The following PLXNA4 variants were observed in gnomAD, a reference collection of about 807,000 sequenced individuals.
PLXNA4 encodes the protein plexin-A4.
In PLXNA4, 44 loss-of-function variants were observed where a neutral mutation model predicts 191.8. The ratio of observed to expected loss-of-function variants is 0.23; its 90% CI spans 0.18 to 0.29. The LOEUF is 0.29. Ranked by LOEUF, PLXNA4 falls within the 10% of genes least tolerant of loss-of-function variation. The pLI is 1.00. For synonymous variants in PLXNA4, 1,082 were observed against 1,009.5 expected, an observed-to-expected ratio of 1.07 and a Z score of -1.36; for missense variants, 1,800 against 2,488.8, an observed-to-expected ratio of 0.72 and a Z score of 5.89.
intron 21 of PLXNA4, 151 bp from the exon 22 acceptor site, chr7:132,168,723 A>G: frequency 8.7e-7 from 1 of 1,151,780 alleles, no homozygotes. Context: ...CTTAGCACTG[A>G]GTTAAGTATC....
chr7:132,281,647 C>A (rs1800481933), intron 4 of PLXNA4, among the ~76,000 whole-genome samples: 1 of 152,134 alleles, frequency 6.6e-6, no homozygotes, highest in South Asian at 2.1e-4. Flanking sequence ...TCTGAAAGTA[C>A]TTACTTTCTT....
rs185640913 is a variant in PLXNA4 at position 132,387,620 on chromosome 7, G to C, written c.1372-89398C>G. Among the ~76,000 whole-genome samples, 14 of 152,322 alleles carry C rather than the reference G, an allele frequency of 9.2e-5. No individual in the cohort carries two copies. In the East Asian group the frequency reaches 2.5e-3, roughly 27 times the overall value. ...ACTTGCCAGATCCAAAGGAAGCCCAGGAGAGTGAGCACAAAGGGTGAGAGA... is the reference window on the plus strand; with the variant it reads ...ACTTGCCAGATCCAAAGGAAGCCCACGAGAGTGAGCACAAAGGGTGAGAGA... On this transcript the variant is annotated intron_variant, in intron 3 of 31. Coordinates refer to ENST00000321063, the MANE Select transcript of PLXNA4 (RefSeq NM_020911.2).
At chr7:132,373,777 A>C (rs139719515) in intron 3 of PLXNA4, among the ~76,000 whole-genome samples, 3 of 152,228 alleles carry the variant, frequency 2.0e-5, no homozygotes, top group African/African-American at 7.2e-5. Context: ...TGACAACAAA[A>C]GAGAGAAATC....
At position 132,500,770 on chromosome 7, in the gene PLXNA4, T is replaced by C. The variant is rs146276764; in HGVS notation, c.1188+6736A>G. On this transcript the variant is annotated intron_variant, in intron 2 of 31. Coordinates refer to ENST00000321063, the MANE Select transcript of PLXNA4 (RefSeq NM_020911.2). ...GTGTCTATCGTTATTAACATCTGTA[T>C]ATTTCTCTTTCCTTAGGAGCTTCCG... Among the ~76,000 whole-genome samples, 1,170 of 152,338 alleles carry C rather than the reference T, an allele frequency of 7.7e-3. 33 individuals are homozygous for C. The highest frequency in any genetic ancestry group is 0.027 in the African/African-American group (1,113 of 41,584).
At position 132,355,257 on chromosome 7, in the gene PLXNA4, C is replaced by T. The variant is rs549243968; in HGVS notation, c.1372-57035G>A. Among the ~76,000 whole-genome samples the T allele has an allele frequency of 8.5e-5, 13 of 152,338 alleles. No individual in the cohort carries two copies. In the South Asian group the frequency reaches 1.4e-3, roughly 17 times the overall value. On this transcript the variant is annotated intron_variant, in intron 3 of 31. Transcript: ENST00000321063. ...GATGGCTATCACCCTTCCAGCTTCC[C>T]GTGTCCCAATTCCTGAACTTCGTCC...
rs890014710 is a variant in PLXNA4, at chr7:132,576,450, C to A, written c.-115G>T. On this transcript the variant is annotated 5_prime_UTR_variant, in exon 1 of 32. Coordinates refer to ENST00000321063, the MANE Select transcript of PLXNA4 (RefSeq NM_020911.2). The surrounding 1 kb of genome is among the most constrained non-coding windows in gnomAD (Gnocchi z 5.8). ...GACGCGCCGCGTTTCCCTCCTTCAG[C>A]GGGAGCGCCGCATTGACACTGCAGA... 3 of 985,680 alleles carry A rather than the reference C, an allele frequency of 3.0e-6. No homozygotes were observed. Among genetic ancestry groups the A allele is most frequent in the Non-Finnish European group, 3.6e-6 (3 of 829,956 alleles). 61.1% of individuals were successfully genotyped at this position (985,680 alleles called of 1,614,324 possible). A position where few individuals can be genotyped will look rare whatever the true frequency, so the allele number is the denominator to read the frequency against.
At chr7:132,197,186 AT>A (rs201837978) in intron 13 of PLXNA4, among the ~76,000 whole-genome samples, 6 of 151,662 alleles carry the variant, frequency 4.0e-5, no homozygotes, top group African/African-American at 7.3e-5. Flanking sequence ...TCACAGTTTC[AT>A]TTTTTTTAAA....
chr7:132,364,543 C>T (rs975857896), intron 3 of PLXNA4, among the ~76,000 whole-genome samples: 6 of 152,208 alleles, frequency 3.9e-5, no homozygotes, highest in African/African-American at 1.2e-4. Context: ...CAGGCTCTTC[C>T]TTTCTCCATA....
chr7:132,432,502 C>T (rs1795302677), intron 3 of PLXNA4, among the ~76,000 whole-genome samples: 1 of 152,004 alleles, frequency 6.6e-6, no homozygotes, highest in South Asian at 2.1e-4. Context: ...GGGTATTTAT[C>T]CCACTCCTTG....
At chr7:132,504,496 G>A (rs576346999) in intron 2 of PLXNA4, among the ~76,000 whole-genome samples, 11 of 152,280 alleles carry the variant, frequency 7.2e-5, no homozygotes, top group African/African-American at 2.4e-4. Context: ...CCCATGGGAG[G>A]AGCATTCTAA....
intron 1 of PLXNA4, among the ~76,000 whole-genome samples, chr7:132,521,856 T>G (rs1799201064): frequency 6.6e-6 from 1 of 152,146 alleles, no homozygotes; most frequent in South Asian, 2.1e-4. Flanking sequence ...ACATAACAGA[T>G]TCCCTCCCCT....
intron 10 of PLXNA4, among the ~76,000 whole-genome samples, chr7:132,207,795 C>T (rs528005654): frequency 2.6e-5 from 4 of 152,346 alleles, no homozygotes; most frequent in East Asian, 1.9e-4. Flanking sequence ...AAAAATTTGT[C>T]CTTCCACACA....
chr7:132,380,895 G>A (rs1228230482), intron 3 of PLXNA4, among the ~76,000 whole-genome samples: 1 of 152,254 alleles, frequency 6.6e-6, no homozygotes, highest in East Asian at 1.9e-4. Context: ...GCCAACTCCA[G>A]TAAATTAGGC....
chr7:132,609,841 G>C (rs187452759), intron 2 of PLXNA4, among the ~76,000 whole-genome samples: 23 of 152,264 alleles, frequency 1.5e-4, no homozygotes, highest in Admixed American at 1.4e-3. Flanking sequence ...GGACAACATT[G>C]ACTCTGCGTC....
At chr7:132,561,808 CCT>C (rs1173419413) in intron 1 of PLXNA4, among the ~76,000 whole-genome samples, 1 of 140,324 alleles carries the variant, frequency 7.1e-6, no homozygotes, top group South Asian at 2.5e-4. Context: ...TCCTTATCCT[CCT>C]CTTTCTCCTC....
Position 132,148,609 on chromosome 7 carries a change from C to T in PLXNA4, c.4698G>A (p.Gln1566=). Reference sequence around the variant, plus strand: ...CAATCTTGGTGGTGATGTCTTCATCCTGCAAGATCATCCTTGCCCCACTTC... The same window carrying T: ...CAATCTTGGTGGTGATGTCTTCATCTTGCAAGATCATCCTTGCCCCACTTC... ...RQGSGARMIL[Q]DEDITTKIEN... is the part of the protein sequence containing the mutation. The change falls in exon 26 of 32, where the codon CAG becomes CAA. Residue 1566 remains glutamine, a synonymous_variant. Transcript: ENST00000321063. 1.2e-5 allele frequency: 20 copies of T among 1,614,186 alleles called. No homozygotes were observed. Among genetic ancestry groups the T allele is most frequent in the Non-Finnish European group, 1.7e-5 (20 of 1,180,020 alleles).
intron 9 of PLXNA4, among the ~76,000 whole-genome samples, chr7:132,212,426 A>G (rs142357525): frequency 7.0e-4 from 107 of 152,312 alleles, no homozygotes; most frequent in African/African-American, 2.0e-3. Flanking sequence ...GAGTTACACC[A>G]TAACAAGACT....
intron 14 of PLXNA4, 84 bp downstream of exon 14, chr7:132,193,978 C>T (rs1174005194): frequency 5.9e-6 from 9 of 1,518,018 alleles, no homozygotes; most frequent in Non-Finnish European, 8.0e-6. Context: ...TGGGTTTGCT[C>T]ACAGAGCTCT....
At chr7:132,452,474 T>C (rs1385729333) in intron 3 of PLXNA4, among the ~76,000 whole-genome samples, 2 of 152,194 alleles carry the variant, frequency 1.3e-5, no homozygotes, top group African/African-American at 2.4e-5. Context: ...ATGGTGGCCA[T>C]GACGTCTTGG....
Sources: gnomAD v4.1 joint callset for allele counts (sites outside exome capture counted in the v4.1 genomes callset) on GRCh38, gnomAD v4.1.1 for gene constraint, Gnocchi (gnomAD v3.1) non-coding constraint, MANE v1.5 for transcripts, NCBI Gene and HGNC (gene_info 2026-07-23, HGNC 2026-07-21) for gene names.